LHFPL3: variants seen among roughly 807,000 people sequenced by gnomAD.
LHFPL3 encodes LHFPL tetraspan subfamily member 3.
Under a neutral mutation model 19.3 loss-of-function variants are expected in LHFPL3, and 5 were observed. The observed-to-expected ratio is 0.26, with a 90% confidence interval of 0.14 to 0.54. The LOEUF is 0.54. LHFPL3 is among the 20% of genes least tolerant of loss of function. LHFPL3 has a pLI of 0.94. For synonymous variants in LHFPL3, 133 were observed against 126.2 expected, an observed-to-expected ratio of 1.05 and a Z score of -0.36; for missense variants, 249 against 307.4, an observed-to-expected ratio of 0.81 and a Z score of 1.42.
intron 1 of LHFPL3, among the ~76,000 whole-genome samples, chr7:104,469,812 A>C (rs995081292): frequency 6.6e-6 from 1 of 152,226 alleles, no homozygotes; most frequent in Non-Finnish European, 1.5e-5. Flanking sequence ...TTGGTTAGAC[A>C]AAGGTAACAT....
chr7:104,541,382 G>A (rs1000608751), intron 1 of LHFPL3, among the ~76,000 whole-genome samples: 1 of 152,136 alleles, frequency 6.6e-6, no homozygotes, highest in African/African-American at 2.4e-5. Context: ...CACAGAGGAG[G>A]CACCAGATGA....
chr7:104,385,101 C>T (rs1380412630), intron 1 of LHFPL3, among the ~76,000 whole-genome samples: 1 of 152,076 alleles, frequency 6.6e-6, no homozygotes, highest in South Asian at 2.1e-4. Flanking sequence ...GTGACTCACG[C>T]CTGTAATCCC....
intron 2 of LHFPL3, among the ~76,000 whole-genome samples, chr7:104,749,609 G>A (rs1245813599): frequency 1.3e-5 from 2 of 152,294 alleles, no homozygotes; most frequent in Non-Finnish European, 2.9e-5. Context: ...GGGTTGGAGA[G>A]GCCCCATGGG....
intron 1 of LHFPL3, among the ~76,000 whole-genome samples, chr7:104,703,271 G>A (rs568673912): frequency 1.6e-4 from 25 of 152,160 alleles, no homozygotes; most frequent in Non-Finnish European, 3.5e-4. Flanking sequence ...TTATACAAAT[G>A]TCAATTAACT....
chr7:104,392,723 CT>C (rs1204813587), intron 1 of LHFPL3, among the ~76,000 whole-genome samples: 3 of 152,218 alleles, frequency 2.0e-5, no homozygotes, highest in Admixed American at 6.5e-5. Flanking sequence ...GGAGGATTCC[CT>C]TTTTTTCTAT....
In LHFPL3 at chr7:104,700,530, T is replaced by C. The variant is rs540524560; in HGVS notation, c.446-36145T>C. On this transcript the variant is annotated intron_variant, in intron 1 of 2. Transcript: ENST00000424859. ...ATATCTTGCAAGCACAATCAAGTCA[T>C]CTGTATTCTGTTTATTTGTTGAGTC... 1.1e-4 allele frequency among the ~76,000 whole-genome samples: 16 copies of C among 152,316 alleles called. No homozygotes were observed. In the South Asian group the frequency reaches 2.7e-3, roughly 26 times the overall value.
At chr7:104,614,589 C>CTCTTCTCTTCTCTTCTCT (rs1554415246) in intron 1 of LHFPL3, among the ~76,000 whole-genome samples, 9 of 63,924 alleles carry the variant, frequency 1.4e-4, no homozygotes, top group Admixed American at 3.4e-4. Flanking sequence ...CTTCTCTTCT[C>CTCTTCTCTTCTCTTCTCT]TCTCTTCTCT....
At chr7:104,631,824 C>G (rs1192114665) in intron 1 of LHFPL3, among the ~76,000 whole-genome samples, 2 of 152,098 alleles carry the variant, frequency 1.3e-5, no homozygotes, top group Non-Finnish European at 2.9e-5. Flanking sequence ...ATAGACAAGA[C>G]CTAGCTACAA....
chr7:104,607,854 A>G (rs1170626888), intron 1 of LHFPL3, among the ~76,000 whole-genome samples: 1 of 152,236 alleles, frequency 6.6e-6, no homozygotes, highest in Non-Finnish European at 1.5e-5. Flanking sequence ...GACACTTCTC[A>G]AAAGAAGACA....
chr7:104,384,509 G>T (rs185657907), intron 1 of LHFPL3, among the ~76,000 whole-genome samples: 1 of 152,142 alleles, frequency 6.6e-6, no homozygotes, highest in South Asian at 2.1e-4. Flanking sequence ...TGTATAGGCC[G>T]GGCATGGTGG....
chr7:104,350,999 C>T (rs1790162614), intron 1 of LHFPL3, among the ~76,000 whole-genome samples: 1 of 149,748 alleles, frequency 6.7e-6, no homozygotes, highest in African/African-American at 2.5e-5. Context: ...GAGATTATGC[C>T]ACTGCACTCC....
chr7:104,538,709 T>C (rs1279764575), intron 1 of LHFPL3, among the ~76,000 whole-genome samples: 1 of 152,198 alleles, frequency 6.6e-6, no homozygotes, highest in Non-Finnish European at 1.5e-5. Context: ...TGATAAAGAA[T>C]AGCAAAAGTG....
chr7:104,527,324 C>A (rs542935917), intron 1 of LHFPL3, among the ~76,000 whole-genome samples: 1 of 152,112 alleles, frequency 6.6e-6, no homozygotes, highest in East Asian at 1.9e-4. Context: ...TATAAGATCG[C>A]CCAGGTTTCT....
chr7:104,365,039 C>G (rs1790457735), intron 1 of LHFPL3, among the ~76,000 whole-genome samples: 1 of 152,164 alleles, frequency 6.6e-6, no homozygotes, highest in Non-Finnish European at 1.5e-5. Flanking sequence ...GTGGCTCACA[C>G]CTGTAATCCC....
At chr7:104,865,211 C>T (rs1791697222) in intron 2 of LHFPL3, among the ~76,000 whole-genome samples, 1 of 152,166 alleles carries the variant, frequency 6.6e-6, no homozygotes, top group Non-Finnish European at 1.5e-5. Context: ...AGCAACAGAA[C>T]AAAGCTGGAT....
At chr7:104,449,285 A>G (rs941376850) in intron 1 of LHFPL3, among the ~76,000 whole-genome samples, 1 of 152,188 alleles carries the variant, frequency 6.6e-6, no homozygotes, top group Non-Finnish European at 1.5e-5. Flanking sequence ...TCCCTGAAGG[A>G]CAAAAATAGC....
intron 1 of LHFPL3, among the ~76,000 whole-genome samples, chr7:104,444,404 T>C (rs1249738819): frequency 1.3e-5 from 2 of 152,200 alleles, no homozygotes; most frequent in Non-Finnish European, 2.9e-5. Context: ...ATCTGACACC[T>C]GCCTTGAACA....
intron 1 of LHFPL3, among the ~76,000 whole-genome samples, chr7:104,598,094 G>A (rs529172501): frequency 6.6e-6 from 1 of 152,206 alleles, no homozygotes; most frequent in East Asian, 1.9e-4. Flanking sequence ...GGCATAAGAA[G>A]GGACAAGATG....
chr7:104,760,530 T>G (rs1334392562), intron 2 of LHFPL3, among the ~76,000 whole-genome samples: 2 of 152,196 alleles, frequency 1.3e-5, no homozygotes, highest in Non-Finnish European at 2.9e-5. Context: ...GTACACACAC[T>G]TTGAAGTCAT....
Sources: gnomAD v4.1 joint callset for allele counts (sites outside exome capture counted in the v4.1 genomes callset) on GRCh38, gnomAD v4.1.1 for gene constraint, MANE v1.5 for transcripts, NCBI Gene and HGNC (gene_info 2026-07-23, HGNC 2026-07-21) for gene names.